Variants in ARFGEF3 observed in about 807,000 individuals in gnomAD.
ARFGEF3 encodes the protein brefeldin A-inhibited guanine nucleotide-exchange protein 3.
In ARFGEF3, 96 loss-of-function variants were observed where a neutral mutation model predicts 221.7. The observed-to-expected ratio is 0.43, with a 90% CI of 0.37 to 0.51. The LOEUF (loss-of-function observed/expected upper bound fraction) is 0.51, where lower values mean the gene tolerates loss of function less well. Ranked by LOEUF, ARFGEF3 falls within the 20% of genes least tolerant of loss-of-function variation. ARFGEF3 has a pLI of 0.00. For missense variants in ARFGEF3, 2,410 were observed against 2,789.9 expected, an observed-to-expected ratio of 0.86 and a Z score of 3.07; for synonymous variants, 1,145 against 1,126.8, an observed-to-expected ratio of 1.02 and a Z score of -0.32.
At chr6:138,322,163 A>C (rs1372955707) in intron 29 of ARFGEF3, among the ~76,000 whole-genome samples, 2 of 152,146 alleles carry the variant, frequency 1.3e-5, no homozygotes, top group East Asian at 3.8e-4. Context: ...AATAGAACAA[A>C]AAGGCCAAGT....
intron 6 of ARFGEF3, among the ~76,000 whole-genome samples, chr6:138,241,053 G>T (rs1778387079): frequency 6.6e-6 from 1 of 152,156 alleles, no homozygotes; most frequent in South Asian, 2.1e-4. Context: ...GCTGCTACTA[G>T]CGTTATGCAT....
At chr6:138,177,490 A>C (rs1407947025) in intron 2 of ARFGEF3, among the ~76,000 whole-genome samples, 2 of 152,092 alleles carry the variant, frequency 1.3e-5, no homozygotes, top group African/African-American at 4.8e-5. Flanking sequence ...TTTTCTGGGA[A>C]TTGCTGGGCC....
intron 4 of ARFGEF3, chr6:138,218,431 A>G (rs1777916623): frequency 1.3e-6 from 2 of 1,488,022 alleles, no homozygotes; most frequent in East Asian, 2.5e-5. Context: ...GCTCTGTAGC[A>G]TAGAAGAATA....
intron 27 of ARFGEF3, among the ~76,000 whole-genome samples, chr6:138,318,703 T>G (rs1025949005): frequency 1.3e-5 from 2 of 152,222 alleles, no homozygotes; most frequent in Non-Finnish European, 2.9e-5. Flanking sequence ...TCTCATGTAA[T>G]TTCCATGTTT....
At chr6:138,230,830 T>C (rs1778178833) in intron 5 of ARFGEF3, among the ~76,000 whole-genome samples, 1 of 152,248 alleles carries the variant, frequency 6.6e-6, no homozygotes, top group African/African-American at 2.4e-5. Context: ...TTTGTATGTA[T>C]ACTCTGTATT....
chr6:138,223,427 T>C (rs1040282965), intron 4 of ARFGEF3, among the ~76,000 whole-genome samples: 1 of 152,208 alleles, frequency 6.6e-6, no homozygotes, highest in African/African-American at 2.4e-5. Flanking sequence ...GTTTTCACCA[T>C]ACACCAAGAG....
intron 1 of ARFGEF3, among the ~76,000 whole-genome samples, chr6:138,167,272 G>C (rs537878138): frequency 1.3e-5 from 2 of 152,276 alleles, no homozygotes; most frequent in East Asian, 3.9e-4. Context: ...CTTACTCCCA[G>C]CTCTTCTGGA....
rs116751092 is a variant in ARFGEF3, at chr6:138,316,860, G to A, written c.4346-391G>A. Among the ~76,000 whole-genome samples, 1,318 of 152,192 alleles carry A rather than the reference G, an allele frequency of 8.7e-3. 22 individuals carry two copies. The highest frequency in any genetic ancestry group is 0.03 in the African/African-American group (1,265 of 41,516). ...TGTACTCGTAGAAATGGCTAAAATG[G>A]CTTTTTCTGTTCTATATATTTACCA... On this transcript the variant is annotated intron_variant, in intron 26 of 33. Coordinates refer to ENST00000251691, the MANE Select transcript of ARFGEF3 (RefSeq NM_020340.5).
intron 3 of ARFGEF3, among the ~76,000 whole-genome samples, chr6:138,208,799 G>T (rs1410670344): frequency 6.6e-6 from 1 of 152,156 alleles, no homozygotes; most frequent in South Asian, 2.1e-4. Flanking sequence ...CACTCTTGAG[G>T]CCACATTCTA....
chr6:138,293,855 GAAT>G (rs146565451), intron 19 of ARFGEF3, 135 bp from the exon 20 acceptor site: 97,516 of 782,956 alleles, frequency 0.12, 7,547 homozygotes, highest in South Asian at 0.25. Flanking sequence ...AGAATAGATA[GAAT>G]AATACCATAC....
chr6:138,281,993 C>T (rs924201040), intron 14 of ARFGEF3, among the ~76,000 whole-genome samples: 12 of 152,040 alleles, frequency 7.9e-5, no homozygotes, highest in Non-Finnish European at 1.5e-5. Context: ...CTAGCTCTGT[C>T]CCCCAGGCTG....
chr6:138,278,392 G>A, intron 12 of ARFGEF3, 59 bp from the exon 13 acceptor site: 1 of 1,535,572 alleles, frequency 6.5e-7, no homozygotes, highest in South Asian at 1.2e-5. Flanking sequence ...CTCTCTGGAA[G>A]CCAGCCTTGC....
intron 32 of ARFGEF3, among the ~76,000 whole-genome samples, chr6:138,328,418 A>C (rs1036159448): frequency 2.6e-5 from 4 of 152,154 alleles, no homozygotes; most frequent in African/African-American, 9.7e-5. Context: ...TAGAAGTCAG[A>C]TATGAAGGTT....
intron 2 of ARFGEF3, among the ~76,000 whole-genome samples, chr6:138,205,005 A>G (rs942061711): frequency 6.6e-6 from 1 of 152,232 alleles, no homozygotes; most frequent in Admixed American, 6.5e-5. Context: ...GGTCAACAGT[A>G]TCACTCGTGT....
At chr6:138,323,158 G>T (rs769123542) in intron 29 of ARFGEF3, among the ~76,000 whole-genome samples, 13 of 152,120 alleles carry the variant, frequency 8.5e-5, no homozygotes, top group Non-Finnish European at 1.6e-4. Context: ...TTTGTAGAGG[G>T]GATCCGTTGA....
chr6:138,294,003 G>A lies in ARFGEF3; in HGVS notation c.3379G>A (p.Asp1127Asn). Residue 1127 changes from aspartate to asparagine, a missense_variant, in exon 20 of 34, where the codon GAT becomes AAT. Physicochemically the swap from Asp to Asn is conservative, Grantham distance 23. This residue lies in a region of ARFGEF3 where 184 missense variants were observed against 141.8 expected (regional missense o/e 1.30). Transcript: ENST00000251691. Reference sequence around the variant, plus strand: ...TCTGTTTGCATCCAGGCTCTTTGAAGATGCTACGGATAAGTTGAACCTCAT... The same window carrying A: ...TCTGTTTGCATCCAGGCTCTTTGAAAATGCTACGGATAAGTTGAACCTCAT... Reference protein sequence around the residue: ...LSTQADRLFEDATDKLNLMAL... With the variant: ...LSTQADRLFENATDKLNLMAL... 3 of 1,613,526 alleles carry A rather than the reference G, an allele frequency of 1.9e-6. No individual in the cohort carries two copies. The highest frequency in any genetic ancestry group is 2.5e-6 in the Non-Finnish European group (3 of 1,179,786).
intron 3 of ARFGEF3, among the ~76,000 whole-genome samples, chr6:138,207,637 A>G (rs142208842): frequency 6.0e-4 from 92 of 152,374 alleles, no homozygotes; most frequent in African/African-American, 2.1e-3. Flanking sequence ...GATTTGCTTG[A>G]ATACATTTTT....
rs1253887336 is a variant in ARFGEF3, at chr6:138,255,515, A to G, written c.850A>G (p.Ser284Gly). ...AACCATCACCTCTGCTCACACCAGC[A>G]GCACCAGTACCAGCCTGGAGTCGGA... is the stretch of plus-strand genomic sequence containing the variant. ...DKTITSAHTS[S>G]TSTSLESDSA... The change falls in exon 10 of 34, where the codon AGC becomes GGC. Residue 284 changes from serine to glycine, a missense_variant. By Grantham distance (56) the Ser-to-Gly change is moderately conservative. This residue lies in a region of ARFGEF3 where 570 missense variants were observed against 586.9 expected (regional missense o/e 0.97). Transcript: ENST00000251691. 20 of 1,613,936 alleles carry G rather than the reference A, an allele frequency of 1.2e-5. No homozygotes were observed. Among genetic ancestry groups the G allele is most frequent in the Non-Finnish European group, 1.7e-5 (20 of 1,179,900 alleles).
intron 12 of ARFGEF3, among the ~76,000 whole-genome samples, chr6:138,274,941 C>G (rs1779069063): frequency 6.6e-6 from 1 of 151,390 alleles, no homozygotes; most frequent in Admixed American, 6.6e-5. Context: ...AACCCCGTCT[C>G]TACTAAAAAT....
Sources: gnomAD v4.1 joint callset for allele counts (sites outside exome capture counted in the v4.1 genomes callset) on GRCh38, gnomAD v4.1.1 for gene constraint, gnomAD v4.1.1 regional missense constraint, MANE v1.5 for transcripts, NCBI Gene and HGNC (gene_info 2026-07-23, HGNC 2026-07-21) for gene names.